SLC9C1: variants seen among roughly 807,000 people sequenced by gnomAD.
The protein encoded by SLC9C1 is sodium/hydrogen exchanger 10.
SLC9C1 carries 97 observed loss-of-function variants against 140.9 expected under a neutral mutation model. That is an observed-to-expected ratio of 0.69 (90% CI 0.58 to 0.82). The LOEUF (loss-of-function observed/expected upper bound fraction) is 0.82. Among genes scored for constraint, SLC9C1 ranks in the 40% least tolerant of loss-of-function variants. The pLI, the probability that SLC9C1 is intolerant of heterozygous loss-of-function variation, is 0.00. For synonymous variants in SLC9C1, 440 were observed against 442.6 expected (o/e 0.99, Z 0.07); for missense variants, 1,340 against 1,389.3 (o/e 0.96, Z 0.56).
At chr3:112,230,522 A>G (rs552000169) in intron 13 of SLC9C1, among the ~76,000 whole-genome samples, 1 of 152,318 alleles carries the variant, frequency 6.6e-6, no homozygotes, top group South Asian at 2.1e-4. Flanking sequence ...CACGGCCTCA[A>G]TTGCTTAAAG....
At chr3:112,150,722 T>G (rs2074931802) in intron 28 of SLC9C1, among the ~76,000 whole-genome samples, 1 of 146,234 alleles carries the variant, frequency 6.8e-6, no homozygotes, top group South Asian at 2.1e-4. Flanking sequence ...AATATGGAGG[T>G]GGCATGGAAG....
At chr3:112,185,094 G>A (rs1393827157) in intron 20 of SLC9C1, among the ~76,000 whole-genome samples, 1 of 152,066 alleles carries the variant, frequency 6.6e-6, no homozygotes, top group Non-Finnish European at 1.5e-5. Context: ...GCCAGGGGCA[G>A]TTCCCCAGGG....
At chr3:112,209,899 A>G (rs1035342719) in intron 15 of SLC9C1, among the ~76,000 whole-genome samples, 5 of 152,216 alleles carry the variant, frequency 3.3e-5, no homozygotes, top group Non-Finnish European at 7.4e-5. Flanking sequence ...TAATATGACA[A>G]TGCTACCCAA....
chr3:112,157,804 C>G (rs2075170835), intron 26 of SLC9C1, among the ~76,000 whole-genome samples: 1 of 149,874 alleles, frequency 6.7e-6, no homozygotes, highest in South Asian at 2.1e-4. Flanking sequence ...TTGCTTTCTT[C>G]ATTTCTTTTT....
chr3:112,216,852 T>C (rs2078387448), intron 15 of SLC9C1, among the ~76,000 whole-genome samples: 1 of 152,220 alleles, frequency 6.6e-6, no homozygotes, highest in Non-Finnish European at 1.5e-5. Flanking sequence ...ATCCCATTAC[T>C]GGGTATATAC....
chr3:112,176,319 G>C (rs1225733383), intron 23 of SLC9C1, among the ~76,000 whole-genome samples: 1 of 152,156 alleles, frequency 6.6e-6, no homozygotes, highest in Non-Finnish European at 1.5e-5. Flanking sequence ...CGTGAATTGA[G>C]TTGTTTCCTT....
intron 28 of SLC9C1, 124 bp downstream of exon 28, chr3:112,151,733 A>C: frequency 1.4e-6 from 1 of 731,864 alleles, no homozygotes; most frequent in Non-Finnish European, 2.4e-6. Flanking sequence ...TAGAAGAATC[A>C]TCTGACTAGT....
intron 10 of SLC9C1, among the ~76,000 whole-genome samples, chr3:112,250,605 A>G (rs2079427655): frequency 6.6e-6 from 1 of 152,176 alleles, no homozygotes; most frequent in Non-Finnish European, 1.5e-5. Flanking sequence ...AACTCAAAAA[A>G]GAATGTAGAC....
intron 12 of SLC9C1, among the ~76,000 whole-genome samples, chr3:112,237,782 G>A (rs1267007061): frequency 1.3e-5 from 2 of 152,110 alleles, no homozygotes; most frequent in East Asian, 3.8e-4. Flanking sequence ...TTGAATATTG[G>A]CCCCCACTCT....
Position 112,200,722 on chromosome 3 carries a change from A to G in SLC9C1, c.2363T>C (p.Ile788Thr). The G allele has an allele frequency of 5.0e-6, 8 of 1,610,020 alleles. No individual in the cohort carries two copies. Among genetic ancestry groups the G allele is most frequent in the Non-Finnish European group, 5.1e-6 (6 of 1,178,178 alleles). Residue 788 changes from isoleucine (I) to threonine (T), a missense_variant, in exon 19 of 29, where the codon ATA becomes ACA. Coordinates refer to ENST00000305815, the MANE Select transcript of SLC9C1 (RefSeq NM_183061.3). ...TGAGAGCTACTTACCTAGCTCTTTT[A>G]TAGCATGTTCCATATTCCTTATCAC... is the stretch of plus-strand genomic sequence containing the variant. ...KQVIRNMEHA[I>T]KELGYLEYDH...
chr3:112,149,956 C>G (rs531596261), intron 28 of SLC9C1, among the ~76,000 whole-genome samples: 17 of 152,298 alleles, frequency 1.1e-4, no homozygotes, highest in African/African-American at 3.6e-4. Flanking sequence ...GGGTAAGGCA[C>G]TCAGCAATGG....
At chr3:112,258,778 A>C (rs2079684600) in intron 10 of SLC9C1, among the ~76,000 whole-genome samples, 1 of 152,096 alleles carries the variant, frequency 6.6e-6, no homozygotes, top group Admixed American at 6.6e-5. Context: ...TAATTTATAA[A>C]GAAGAAAGGT....
intron 16 of SLC9C1, among the ~76,000 whole-genome samples, chr3:112,205,640 G>GACTTCAAACT (rs1491453956): frequency 3.5e-5 from 2 of 56,454 alleles, no homozygotes; most frequent in Non-Finnish European, 7.7e-5. Flanking sequence ...GCATGGTACT[G>GACTTCAAACT]GTACCAAAAC....
chr3:112,239,192 GT>G (rs2079073162), intron 12 of SLC9C1, among the ~76,000 whole-genome samples: 2 of 152,192 alleles, frequency 1.3e-5, no homozygotes, highest in Admixed American at 6.5e-5. Context: ...CCACCTTGCA[GT>G]TTGATCTCAG....
At chr3:112,160,058 C>T (rs931733121) in intron 26 of SLC9C1, among the ~76,000 whole-genome samples, 1 of 151,656 alleles carries the variant, frequency 6.6e-6, no homozygotes, top group Admixed American at 6.6e-5. Context: ...AGTCCATTTA[C>T]ATTCATTGTT....
chr3:112,239,810 A>C, intron 12 of SLC9C1, 30 bp downstream of exon 12: 1 of 1,568,560 alleles, frequency 6.4e-7, no homozygotes, highest in Non-Finnish European at 8.7e-7. Context: ...AATCTGCATT[A>C]AAGCAATAAA....
intron 10 of SLC9C1, among the ~76,000 whole-genome samples, chr3:112,255,765 A>ATTTTT (rs2079588553): frequency 6.6e-6 from 1 of 152,144 alleles, no homozygotes; most frequent in African/African-American, 2.4e-5. Flanking sequence ...ACACACAAAA[A>ATTTTT]ATCATTCAAA....
chr3:112,231,231 C>CA, intron 13 of SLC9C1, 130 bp downstream of exon 13: 1 of 1,006,410 alleles, frequency 9.9e-7, no homozygotes, highest in Non-Finnish European at 1.4e-6. Flanking sequence ...ATTCCTAAGA[C>CA]AATGTCAAAC....
chr3:112,179,430 T>G, intron 23 of SLC9C1, 101 bp downstream of exon 23: 1 of 1,304,858 alleles, frequency 7.7e-7, no homozygotes, highest in South Asian at 1.6e-5. Context: ...TAAAAGTAAA[T>G]TGTCAACTAG....
Sources: gnomAD v4.1 joint callset for allele counts (sites outside exome capture counted in the v4.1 genomes callset) on GRCh38, gnomAD v4.1.1 for gene constraint, MANE v1.5 for transcripts, NCBI Gene and HGNC (gene_info 2026-07-23, HGNC 2026-07-21) for gene names.